The following CC2D2B variants were observed in gnomAD, a reference collection of about 807,000 sequenced individuals.
CC2D2B encodes coiled-coil and C2 domain containing 2B.
A neutral mutation model predicts 161.2 loss-of-function variants in CC2D2B; 128 were observed. The observed-to-expected ratio is 0.79, with a 90% CI of 0.69 to 0.92. CC2D2B has a LOEUF of 0.92. CC2D2B is among the 40% of genes least tolerant of loss of function. The pLI is 0.00. For synonymous variants in CC2D2B, 391 were observed against 449.8 expected (o/e 0.87, Z 1.65); for missense variants, 1,173 against 1,375.1 (o/e 0.85, Z 2.32).
At chr10:96,026,150 G>T (rs965579623) in intron 33 of CC2D2B, among the ~76,000 whole-genome samples, 2 of 152,166 alleles carry the variant, frequency 1.3e-5, no homozygotes, top group African/African-American at 4.8e-5. Flanking sequence ...CTACTTAGTT[G>T]CACTATAAAC....
In CC2D2B at chr10:95,938,641, G is replaced by A. The variant is rs867071413; in HGVS notation, c.608G>A (p.Arg203Lys). Reference sequence around the variant, plus strand: ...GAAGATGAAGGATTCTATATTCAGAGAAAGCCAGAAATATACAAAAAGACC... The same window carrying A: ...GAAGATGAAGGATTCTATATTCAGAAAAAGCCAGAAATATACAAAAAGACC... ...ILEDEGFYIQ[R>K]KPEIYKKTCN... The change falls in exon 8 of 35, where the codon AGA becomes AAA. Residue 203 changes from arginine to lysine, a missense_variant. By Grantham distance (26) the Arg-to-Lys change is conservative (BLOSUM62 2). Coordinates refer to ENST00000646931, the MANE Select transcript of CC2D2B (RefSeq NM_001349008.3). 4.2e-6 allele frequency: 3 copies of A among 714,182 alleles called. No homozygotes were observed. The highest frequency in any genetic ancestry group is 7.8e-6 in the Non-Finnish European group (3 of 384,142). The allele number at this position is 714,182 out of a possible 1,614,324, so 44.2% of individuals were successfully genotyped here. A position where few individuals can be genotyped will look rare whatever the true frequency, so the allele number is the denominator to read the frequency against.
intron 24 of CC2D2B, among the ~76,000 whole-genome samples, chr10:96,000,525 A>G (rs953979409): frequency 6.6e-5 from 10 of 151,640 alleles, no homozygotes; most frequent in Admixed American, 5.9e-4. Context: ...CACCACGCCC[A>G]GCTAATTTAT....
intron 11 of CC2D2B, among the ~76,000 whole-genome samples, chr10:95,957,165 AG>A (rs1316663411): frequency 6.6e-6 from 1 of 152,110 alleles, no homozygotes; most frequent in East Asian, 1.9e-4. Context: ...ATTTTTCAGG[AG>A]CCCAAGGTAA....
At chr10:96,002,417 C>G (rs1036198782) in intron 24 of CC2D2B, among the ~76,000 whole-genome samples, 1 of 151,882 alleles carries the variant, frequency 6.6e-6, no homozygotes, top group African/African-American at 2.4e-5. Context: ...CTCCATAAGC[C>G]CTTTCTGGGG....
At chr10:95,947,450 T>TAA (rs143961373) in intron 9 of CC2D2B, among the ~76,000 whole-genome samples, 10 of 150,430 alleles carry the variant, frequency 6.6e-5, no homozygotes, top group South Asian at 2.1e-4. Context: ...TGCTTTTACT[T>TAA]AAAAAAAAGG....
intron 24 of CC2D2B, chr10:95,999,969 G>A: frequency 2.8e-6 from 2 of 714,504 alleles, no homozygotes; most frequent in Non-Finnish European, 4.6e-6. Flanking sequence ...GCACTTATGT[G>A]CTCAATACAC....
At chr10:96,013,213 C>A (rs2079060769) in intron 28 of CC2D2B, among the ~76,000 whole-genome samples, 1 of 152,082 alleles carries the variant, frequency 6.6e-6, no homozygotes, top group Non-Finnish European at 1.5e-5. Context: ...TTTCTCCTTT[C>A]CTAGATTAGT....
intron 6 of CC2D2B, among the ~76,000 whole-genome samples, chr10:95,928,223 T>C (rs1253214007): frequency 1.8e-4 from 20 of 113,920 alleles, no homozygotes; most frequent in Non-Finnish European, 2.6e-4. Context: ...TTGTTGTTTT[T>C]TGCACAATTA....
At chr10:95,974,730 A>G (rs1343084793) in intron 17 of CC2D2B, among the ~76,000 whole-genome samples, 2 of 152,220 alleles carry the variant, frequency 1.3e-5, no homozygotes, top group Non-Finnish European at 2.9e-5. Context: ...ATCTTAACAC[A>G]TATTTTTAAA....
rs1224278486 is a variant in CC2D2B at position 96,032,065 on chromosome 10, C to T, written c.*57C>T. The T allele has an allele frequency of 7.5e-7, 1 of 1,331,734 alleles. No individual in the cohort carries two copies. The highest frequency in any genetic ancestry group is 2.2e-5 in the Admixed American group (1 of 44,970). 82.5% of individuals were successfully genotyped at this position (1,331,734 alleles called of 1,614,324 possible). On this transcript the variant is annotated 3_prime_UTR_variant, in exon 35 of 35. Coordinates refer to ENST00000646931, the MANE Select transcript of CC2D2B (RefSeq NM_001349008.3). Reference sequence around the variant, plus strand: ...TATAGTCCTCTAGTACCAACAAAAACTTTTCTGGTACCTTGAGATTTTGCT... The same window carrying T: ...TATAGTCCTCTAGTACCAACAAAAATTTTTCTGGTACCTTGAGATTTTGCT...
At chr10:95,983,912 T>G (rs1417931872) in intron 19 of CC2D2B, 103 bp downstream of exon 19, 1 of 503,352 alleles carries the variant, frequency 2.0e-6, no homozygotes. Flanking sequence ...GCTAATAATC[T>G]GTAGACAGAT....
At position 95,911,290 on chromosome 10, in the gene CC2D2B, T is replaced by G. The variant is rs971555629; in HGVS notation, c.-23-11T>G. 16 of 239,826 alleles carry G rather than the reference T, an allele frequency of 6.7e-5. No homozygotes were observed. Among genetic ancestry groups the G allele is most frequent in the African/African-American group, 3.3e-4 (15 of 45,288 alleles). 14.9% of individuals were successfully genotyped at this position (239,826 alleles called of 1,614,324 possible). On this transcript the variant is annotated splice_polypyrimidine_tract_variant and intron_variant, in intron 1 of 34. Transcript: ENST00000646931. ...ATATGTCATTCTCAATAATATTTCT[T>G]ATTTATTTAGAAAGTTGAAATAAAA...
chr10:96,028,309 G>T (rs1370272609), intron 34 of CC2D2B, among the ~76,000 whole-genome samples: 6 of 152,064 alleles, frequency 3.9e-5, no homozygotes, highest in Non-Finnish European at 7.4e-5. Flanking sequence ...TTTTAAATGG[G>T]CAAAAGACTT....
intron 16 of CC2D2B, 147 bp from the exon 17 acceptor site, chr10:95,973,860 TCA>T: frequency 3.6e-6 from 1 of 278,122 alleles, no homozygotes; most frequent in Non-Finnish European, 5.7e-6. Context: ...AAACTCTGTC[TCA>T]AAAAAAAAAA....
chr10:95,949,836 C>A (rs916924522), intron 9 of CC2D2B, 60 bp from the exon 10 acceptor site: 1 of 397,326 alleles, frequency 2.5e-6, no homozygotes. Context: ...GGAAAAGTTA[C>A]TTATAATTTC....
intron 16 of CC2D2B, among the ~76,000 whole-genome samples, chr10:95,972,525 G>A (rs1412133178): frequency 6.6e-6 from 1 of 152,076 alleles, no homozygotes; most frequent in Non-Finnish European, 1.5e-5. Context: ...TTTTAACCAG[G>A]CTGGTCTCAA....
At chr10:95,945,034 C>T (rs1465436432) in intron 9 of CC2D2B, among the ~76,000 whole-genome samples, 1 of 152,196 alleles carries the variant, frequency 6.6e-6, no homozygotes, top group Non-Finnish European at 1.5e-5. Context: ...GCCCTTCCAC[C>T]ATCTGCCATG....
intron 31 of CC2D2B, 67 bp from the exon 32 acceptor site, chr10:96,019,635 T>A: frequency 2.0e-6 from 3 of 1,489,596 alleles, no homozygotes; most frequent in Non-Finnish European, 2.7e-6. Flanking sequence ...ATTTTGCTCC[T>A]TCCTTACCAA....
chr10:96,000,719 G>C (rs1011689), intron 24 of CC2D2B: 92,040 of 151,946 alleles, frequency 0.61, 28,037 homozygotes, highest in East Asian at 0.83. Flanking sequence ...AGCCCTTTGT[G>C]AGTTATATGT....
Sources: allele counts gnomAD v4.1 joint callset (sites outside exome capture counted in the v4.1 genomes callset), GRCh38; gene constraint gnomAD v4.1.1; transcripts MANE v1.5; gene names NCBI Gene and HGNC (gene_info 2026-07-23, HGNC 2026-07-21).